PCDHA1: variants seen among roughly 807,000 people sequenced by gnomAD.
PCDHA1 encodes protocadherin alpha-1.
A neutral mutation model predicts 61.3 loss-of-function variants in PCDHA1; 42 were observed. The ratio of observed to expected loss-of-function variants is 0.69; its 90% CI spans 0.54 to 0.89. PCDHA1 has a LOEUF of 0.89. PCDHA1 is among the 40% of genes least tolerant of loss of function. The pLI, the probability that PCDHA1 is intolerant of heterozygous loss-of-function variation, is 0.00. For synonymous variants in PCDHA1, 610 were observed against 553.8 expected, an observed-to-expected ratio of 1.10 and a Z score of -1.43; for missense variants, 1,256 against 1,235.3, an observed-to-expected ratio of 1.02 and a Z score of -0.25.
chr5:140,988,075 A>G (rs139957067), intron 3 of PCDHA1, among the ~76,000 whole-genome samples: 4 of 152,258 alleles, frequency 2.6e-5, no homozygotes, highest in Non-Finnish European at 4.4e-5. Flanking sequence ...TTTCTATTTC[A>G]TGAGTGAGTG....
chr5:140,874,673 TG>T (rs1192690253), intron 1 of PCDHA1, among the ~76,000 whole-genome samples: 4 of 152,260 alleles, frequency 2.6e-5, no homozygotes, highest in African/African-American at 9.6e-5. Context: ...AATCTATTCC[TG>T]AGATTTGTTT....
rs1554262551 is a variant in PCDHA1, at chr5:141,009,910, C to T, written c.2826C>T (p.Asn942=). 1 of 1,612,616 alleles carries T rather than the reference C, an allele frequency of 6.2e-7. No individual in the cohort carries two copies. Among genetic ancestry groups the T allele is most frequent in the Middle Eastern group, 1.7e-4 (1 of 6,048 alleles). Residue 942 remains asparagine (N), a synonymous_variant, in exon 4 of 4, where the codon AAC becomes AAT. Transcript: ENST00000504120. ...NKTQEKKEKG[N]STTDNSDQ Reference sequence around the variant, plus strand: ...CCCAGGAGAAAAAAGAGAAAGGGAACAGCACGACTGACAACAGTGACCAGT... The same window carrying T: ...CCCAGGAGAAAAAAGAGAAAGGGAATAGCACGACTGACAACAGTGACCAGT...
At position 140,847,437 on chromosome 5, in the gene PCDHA1, C is replaced by T. The variant is rs959002697; in HGVS notation, c.2394+58753C>T. The T allele has an allele frequency of 2.0e-5, 3 of 149,574 alleles. 1 individual carries two copies. The highest frequency in any genetic ancestry group is 4.5e-5 in the Non-Finnish European group (3 of 66,910). 9.3% of individuals were successfully genotyped at this position (149,574 alleles called of 1,614,324 possible). ...CGGTTTTGCCTTTAGACTTGAGATA[C>T]ACTAAAATCTAGATTTAATTAATCG... is the stretch of plus-strand genomic sequence containing the variant. On this transcript the variant is annotated intron_variant, in intron 1 of 3. Coordinates refer to ENST00000504120, the MANE Select transcript of PCDHA1 (RefSeq NM_018900.4).
rs782037799 is a variant in PCDHA1 at position 140,877,180 on chromosome 5, G to A, written c.2394+88496G>A. ...CGCGCCGGCACTGCTGGCGACTCCG[G>A]CTGGCAGCGCAGGAGGCGCAGTTAG... On this transcript the variant is annotated intron_variant, in intron 1 of 3. Transcript: ENST00000504120. The A allele has an allele frequency of 1.1e-5, 18 of 1,613,692 alleles. No individual in the cohort carries two copies. In the South Asian group the frequency reaches 1.5e-4, roughly 14 times the overall value.
intron 1 of PCDHA1, chr5:140,794,958 A>C (rs782377660): frequency 6.2e-7 from 1 of 1,600,176 alleles, no homozygotes; most frequent in Non-Finnish European, 8.5e-7. Context: ...AACATTGAGG[A>C]TTGGTAATGG....
Position 140,908,048 on chromosome 5 carries a change from C to T in PCDHA1, c.2395-70901C>T, listed in dbSNP as rs143198443. On this transcript the variant is annotated intron_variant, in intron 1 of 3. Transcript: ENST00000504120. The stretch of plus-strand genomic sequence containing the variant: ...ATTAATCAGTATATAATTGCACATC[C>T]GGCCATTTCTCCTTCATGAAAAGTG... 1.1e-3 allele frequency among the ~76,000 whole-genome samples: 169 copies of T among 152,294 alleles called. 1 individual carries two copies. The East Asian group carries it at 0.023, about 21-fold the overall frequency.
intron 3 of PCDHA1, among the ~76,000 whole-genome samples, chr5:140,992,848 C>T (rs2097530967): frequency 6.6e-6 from 1 of 152,124 alleles, no homozygotes; most frequent in Non-Finnish European, 1.5e-5. Flanking sequence ...TGTATAACAA[C>T]CAGTTTCACT....
At chr5:140,905,380 T>G (rs1226315920) in intron 1 of PCDHA1, among the ~76,000 whole-genome samples, 1 of 152,216 alleles carries the variant, frequency 6.6e-6, no homozygotes, top group African/African-American at 2.4e-5. Context: ...TCTGTTCTGT[T>G]TCATAGGTCT....
intron 1 of PCDHA1, among the ~76,000 whole-genome samples, chr5:140,917,832 C>T (rs1554198323): frequency 1.3e-5 from 2 of 151,488 alleles, no homozygotes; most frequent in Admixed American, 6.6e-5. Context: ...AGTGTGATGT[C>T]CTTCTTGTTC....
In PCDHA1 at chr5:141,010,671, A is replaced by T. The variant is rs375520397; in HGVS notation, c.*734A>T. The T allele has an allele frequency of 5.7e-4, 94 of 164,082 alleles. 1 individual carries two copies. Among genetic ancestry groups the T allele is most frequent in the Non-Finnish European group, 1.2e-3 (86 of 74,622 alleles). The allele number at this position is 164,082 out of a possible 1,614,324, so 10.2% of individuals were successfully genotyped here. A position where few individuals can be genotyped will look rare whatever the true frequency, so the allele number is the denominator to read the frequency against. On this transcript the variant is annotated 3_prime_UTR_variant, in exon 4 of 4. Transcript: ENST00000504120. Reference sequence around the variant, plus strand: ...TGTTTTAACAGAGAACCACCCTGGGAAACAGAAGCAGATCTGATGTGTTTC... The same window carrying T: ...TGTTTTAACAGAGAACCACCCTGGGTAACAGAAGCAGATCTGATGTGTTTC...
intron 1 of PCDHA1, among the ~76,000 whole-genome samples, chr5:140,941,202 C>CCTTCCTTTCTTTCTTT (rs1554213920): frequency 7.0e-4 from 86 of 122,822 alleles, no homozygotes; most frequent in Admixed American, 2.1e-3. Context: ...TTTCTTTCTT[C>CCTTCCTTTCTTTCTTT]CTTTCTTTCT....
chr5:140,989,805 A>G (rs3776110), intron 3 of PCDHA1, among the ~76,000 whole-genome samples: 8,341 of 152,306 alleles, frequency 0.055, 292 homozygotes, highest in East Asian at 0.12. Context: ...GGAAAGGGCC[A>G]TAAGATTGGT....
Position 140,868,506 on chromosome 5 carries a change from A to T in PCDHA1, c.2394+79822A>T, listed in dbSNP as rs1250178704. 3 of 152,422 alleles carry T rather than the reference A, an allele frequency of 2.0e-5. No individual in the cohort carries two copies. The East Asian group carries it at 5.8e-4, about 29-fold the overall frequency. 9.4% of individuals were successfully genotyped at this position (152,422 alleles called of 1,614,324 possible). On this transcript the variant is annotated intron_variant, in intron 1 of 3. Transcript: ENST00000504120. ...TTTTCTTTGAGTTCCCTAGCAGCCA[A>T]AGTAACAAGGGAGACTGAAAGTAAA... is the stretch of plus-strand genomic sequence containing the variant.
chr5:140,992,390 C>T (rs1007853972), intron 3 of PCDHA1, among the ~76,000 whole-genome samples: 1 of 152,082 alleles, frequency 6.6e-6, no homozygotes, highest in Admixed American at 6.6e-5. Context: ...GTGTTCTGGA[C>T]TTAGAGATAT....
chr5:140,889,639 G>A (rs1271182789), intron 1 of PCDHA1, among the ~76,000 whole-genome samples: 1 of 151,770 alleles, frequency 6.6e-6, no homozygotes, highest in Non-Finnish European at 1.5e-5. Flanking sequence ...TTTCATTTGT[G>A]TTTGCAGGAG....
chr5:140,946,491 G>T (rs1292553232), intron 1 of PCDHA1, among the ~76,000 whole-genome samples: 2 of 151,676 alleles, frequency 1.3e-5, no homozygotes, highest in Middle Eastern at 3.4e-3. Context: ...CAAAGGAAAT[G>T]AAATCAGTAT....
chr5:140,806,622 C>T (rs913788240), intron 1 of PCDHA1, among the ~76,000 whole-genome samples: 2 of 138,992 alleles, frequency 1.4e-5, no homozygotes. Flanking sequence ...AAGTCAACAA[C>T]ACCAGAAATA....
At position 140,807,520 on chromosome 5, in the gene PCDHA1, C is replaced by A. The variant is rs782091040; in HGVS notation, c.2394+18836C>A. ...GCATCCACCTGGAGGTGATCGTAGA[C>A]AGGCCGCTGCAGGTTTTCCATGTGG... On this transcript the variant is annotated intron_variant, in intron 1 of 3. Coordinates refer to ENST00000504120, the MANE Select transcript of PCDHA1 (RefSeq NM_018900.4). 1.2e-5 allele frequency: 19 copies of A among 1,613,978 alleles called. 1 individual carries two copies. The South Asian group carries it at 1.5e-4, about 13-fold the overall frequency.
rs149113769 is a variant in PCDHA1 at position 140,795,385 on chromosome 5, C to T, written c.2394+6701C>T. The T allele has an allele frequency of 1.5e-4, 238 of 1,613,940 alleles. No homozygotes were observed. Among genetic ancestry groups the T allele is most frequent in the Non-Finnish European group, 1.9e-4 (225 of 1,180,012 alleles). ...ATTTCCAATGACAGTAAAGACTATC[C>T]GGTTTCCCGAATCAAGGCTGCTTGA... On this transcript the variant is annotated intron_variant, in intron 1 of 3. Coordinates refer to ENST00000504120, the MANE Select transcript of PCDHA1 (RefSeq NM_018900.4).
Sources: gnomAD v4.1 joint callset for allele counts (sites outside exome capture counted in the v4.1 genomes callset) on GRCh38, gnomAD v4.1.1 for gene constraint, MANE v1.5 for transcripts, NCBI Gene and HGNC (gene_info 2026-07-23, HGNC 2026-07-21) for gene names.